DSCAML1: variants seen among roughly 807,000 people sequenced by gnomAD.
DSCAML1 encodes DS cell adhesion molecule like 1.
Under a neutral mutation model 200.5 loss-of-function variants are expected in DSCAML1, and 38 were observed. That is an observed-to-expected ratio of 0.19 (90% CI 0.15 to 0.25). DSCAML1 has a LOEUF of 0.25. DSCAML1 is among the 10% of genes least tolerant of loss of function. The pLI is 1.00. For missense variants in DSCAML1, 2,223 were observed against 2,858.8 expected (o/e 0.78, Z 5.07); for synonymous variants, 1,215 against 1,165.0 (o/e 1.04, Z -0.87).
chr11:117,751,093 ATGTTTGTGTG>A (rs2054597851), intron 3 of DSCAML1, among the ~76,000 whole-genome samples: 1 of 151,942 alleles, frequency 6.6e-6, no homozygotes. Flanking sequence ...CTATGCATGC[ATGTTTGTGTG>A]TGTTTGTGTG....
chr11:117,547,588 C>T (rs2050398910), intron 3 of DSCAML1, among the ~76,000 whole-genome samples: 1 of 152,144 alleles, frequency 6.6e-6, no homozygotes, highest in Admixed American at 6.5e-5. Flanking sequence ...TTTCTGACCC[C>T]AGGGCCTGGC....
Position 117,545,235 on chromosome 11 carries a change from ACAC to A in DSCAML1, c.512-12716_512-12714del, listed in dbSNP as rs1210161578. 3.0e-5 allele frequency among the ~76,000 whole-genome samples: 4 copies of A among 133,290 alleles called. 1 individual carries two copies. The highest frequency in any genetic ancestry group is 1.1e-4 in the African/African-American group (4 of 35,362). 87.4% of individuals were successfully genotyped at this position (133,290 alleles called of 152,430 possible). A position where few individuals can be genotyped will look rare whatever the true frequency, so the allele number is the denominator to read the frequency against. ...ACAGAGCAAGATTCCGTAAAAAAAA[ACAC>A]ACACACACACACACACACACACAAA... On this transcript the variant is annotated intron_variant, in intron 3 of 32. Coordinates refer to ENST00000651296, the MANE Select transcript of DSCAML1 (RefSeq NM_020693.4).
At chr11:117,439,122 T>C in intron 23 of DSCAML1, 139 bp from the exon 24 acceptor site, 17 of 1,362,150 alleles carry the variant, frequency 1.2e-5, no homozygotes, top group Non-Finnish European at 1.6e-5. Context: ...CTGCCTCCCC[T>C]TCCATGTGCA....
At chr11:117,605,740 C>T (rs1337287227) in intron 3 of DSCAML1, among the ~76,000 whole-genome samples, 1 of 152,162 alleles carries the variant, frequency 6.6e-6, no homozygotes, top group Non-Finnish European at 1.5e-5. Flanking sequence ...GGGTGAACAC[C>T]TCCTGCCCCA....
intron 3 of DSCAML1, among the ~76,000 whole-genome samples, chr11:117,754,524 C>T (rs767357456): frequency 2.0e-5 from 3 of 151,964 alleles, no homozygotes; most frequent in East Asian, 1.9e-4. Flanking sequence ...TGAGAATGGA[C>T]GCACTCTCAT....
chr11:117,497,402 G>T (rs1026112058), intron 11 of DSCAML1, among the ~76,000 whole-genome samples: 2 of 152,206 alleles, frequency 1.3e-5, no homozygotes, highest in African/African-American at 2.4e-5. Context: ...GCCCAAGGAG[G>T]TTTACTGACT....
At chr11:117,718,965 G>A (rs1199844469) in intron 3 of DSCAML1, among the ~76,000 whole-genome samples, 1 of 152,152 alleles carries the variant, frequency 6.6e-6, no homozygotes, top group Non-Finnish European at 1.5e-5. Context: ...TTAAAGGGAA[G>A]AGAGAAGCTG....
In DSCAML1 at chr11:117,780,258, A is replaced by AAGAAAGAAAGAAAG. The variant is rs2055219444; in HGVS notation, c.364+221_364+234dup. 3.2e-5 allele frequency among the ~76,000 whole-genome samples: 3 copies of AAGAAAGAAAGAAAG among 94,278 alleles called. No homozygotes were observed. Among genetic ancestry groups the AAGAAAGAAAGAAAG allele is most frequent in the African/African-American group, 1.0e-4 (3 of 29,226 alleles). The allele number at this position is 94,278 out of a possible 152,430, so 61.9% of individuals were successfully genotyped here. A position where few individuals can be genotyped will look rare whatever the true frequency, so the allele number is the denominator to read the frequency against. On this transcript the variant is annotated intron_variant, in intron 2 of 32. Coordinates refer to ENST00000651296, the MANE Select transcript of DSCAML1 (RefSeq NM_020693.4). The surrounding 1 kb of genome is among the most constrained non-coding windows in gnomAD (Gnocchi z 4.8). ...AAAGAAAGAAAGAAAGAAAGAAAGA[A>AAGAAAGAAAGAAAG]AGAAAGAAAGAAAGAAAGAAAGAAA...
At chr11:117,496,726 GA>G (rs1005639156) in intron 11 of DSCAML1, among the ~76,000 whole-genome samples, 10 of 152,208 alleles carry the variant, frequency 6.6e-5, no homozygotes, top group Non-Finnish European at 1.3e-4. Context: ...CTCTAAGAAG[GA>G]GGTAAGAGCC....
rs922806597 is a variant in DSCAML1 at position 117,521,200 on chromosome 11, G to A, written c.1143C>T (p.Ser381=). 7.4e-6 allele frequency: 12 copies of A among 1,614,054 alleles called. No homozygotes were observed. Among genetic ancestry groups the A allele is most frequent in the African/African-American group, 5.3e-5 (4 of 74,956 alleles). The change falls in exon 6 of 33, where the codon TCC becomes TCT. Residue 381 remains serine (S), a synonymous_variant. Coordinates refer to ENST00000651296, the MANE Select transcript of DSCAML1 (RefSeq NM_020693.4). The stretch of plus-strand genomic sequence containing the variant: ...GGGTAGCGAAGCACTGGTAGGCCCC[G>A]GAATGGCTCTTCTGGGCCGAGGTGA... ...LLITSAQKSH[S]GAYQCFATRK...
Position 117,505,447 on chromosome 11 carries a change from T to G in DSCAML1, c.2062+7A>C. 1 of 1,607,676 alleles carries G rather than the reference T, an allele frequency of 6.2e-7. No individual in the cohort carries two copies. Among genetic ancestry groups the G allele is most frequent in the Non-Finnish European group, 8.5e-7 (1 of 1,179,410 alleles). The stretch of plus-strand genomic sequence containing the variant: ...CCCTCCCCTGAGGCTGGCCTGTCCC[T>G]GCTCACCACGCACGATGAGCTGGCG... On this transcript the variant is annotated splice_region_variant and intron_variant, in intron 9 of 32. Coordinates refer to ENST00000651296, the MANE Select transcript of DSCAML1 (RefSeq NM_020693.4). This position sits in a 1 kb window ranked among gnomAD's most constrained non-coding sequence, Gnocchi z 6.7.
intron 3 of DSCAML1, among the ~76,000 whole-genome samples, chr11:117,750,848 G>A (rs2054594090): frequency 6.6e-6 from 1 of 152,164 alleles, no homozygotes; most frequent in African/African-American, 2.4e-5. Context: ...CCCAGCCCCA[G>A]CCCCTGCCCT....
chr11:117,465,063 G>T lies in DSCAML1; in HGVS notation c.3144C>A (p.Ser1048Arg). Reference sequence around the variant, plus strand: ...TGAGGTTGTCCAGGGTGTAGACCTCGCTGTCCCCCGTGGCCTTCATCTCCA... The same window carrying T: ...TGAGGTTGTCCAGGGTGTAGACCTCTCTGTCCCCCGTGGCCTTCATCTCCA... ...SIVEMKATGDSEVYTLDNLKK... is the reference protein window; with the variant it reads ...SIVEMKATGDREVYTLDNLKK... The change falls in exon 17 of 33, where the codon AGC becomes AGA. Residue 1048 changes from serine (S) to arginine (R), a missense_variant. Ser to Arg is a moderately radical substitution (Grantham distance 110, BLOSUM62 -1). This residue lies in a region of DSCAML1 where 438 missense variants were observed against 629.7 expected (regional missense o/e 0.70). Coordinates refer to ENST00000651296, the MANE Select transcript of DSCAML1 (RefSeq NM_020693.4). 6.2e-7 allele frequency: 1 copy of T among 1,614,106 alleles called. No individual in the cohort carries two copies. The highest frequency in any genetic ancestry group is 8.5e-7 in the Non-Finnish European group (1 of 1,180,012).
intron 11 of DSCAML1, among the ~76,000 whole-genome samples, chr11:117,502,289 C>A (rs113186723): frequency 5.6e-4 from 86 of 152,262 alleles, no homozygotes; most frequent in African/African-American, 2.0e-3. Flanking sequence ...GCCACAGAGC[C>A]GGCAGCTCAG....
intron 3 of DSCAML1, among the ~76,000 whole-genome samples, chr11:117,683,887 C>A (rs2053354802): frequency 6.6e-6 from 1 of 152,160 alleles, no homozygotes; most frequent in Admixed American, 6.5e-5. Flanking sequence ...GTCATCACCC[C>A]CACCCAGGGT....
At chr11:117,453,750 T>TTTCTTTCTTTCTTTC (rs72081394) in intron 19 of DSCAML1, among the ~76,000 whole-genome samples, 13 of 130,454 alleles carry the variant, frequency 1.0e-4, no homozygotes, top group African/African-American at 4.2e-4. Flanking sequence ...TTCTTTCTTT[T>TTTCTTTCTTTCTTTC]TTTTTTTTTT....
intron 4 of DSCAML1, 98 bp from the exon 5 acceptor site, chr11:117,525,181 C>T (rs1428970804): frequency 7.3e-7 from 1 of 1,372,146 alleles, no homozygotes. Context: ...AGCCTGCTGC[C>T]CACTGGCGCC....
intron 3 of DSCAML1, among the ~76,000 whole-genome samples, chr11:117,592,521 G>T (rs575419486): frequency 1.3e-5 from 2 of 152,116 alleles, no homozygotes; most frequent in East Asian, 3.9e-4. Context: ...GCTGCTAAAG[G>T]CCCCATAACC....
At chr11:117,811,082 A>G (rs1489446660) in intron 1 of DSCAML1, among the ~76,000 whole-genome samples, 2 of 152,162 alleles carry the variant, frequency 1.3e-5, no homozygotes, top group Non-Finnish European at 2.9e-5. Context: ...TTCTGTGACT[A>G]GCCCTCCCCC....
Sources: gnomAD v4.1 joint callset for allele counts (sites outside exome capture counted in the v4.1 genomes callset) on GRCh38, gnomAD v4.1.1 for gene constraint, gnomAD v4.1.1 regional missense constraint, Gnocchi (gnomAD v3.1) non-coding constraint, MANE v1.5 for transcripts, NCBI Gene and HGNC (gene_info 2026-07-23, HGNC 2026-07-21) for gene names.